SUMF1: variants seen among roughly 807,000 people sequenced by gnomAD.
SUMF1 encodes the protein formylglycine-generating enzyme.
Under a neutral mutation model 47.6 loss-of-function variants are expected in SUMF1, and 48 were observed. The observed-to-expected ratio is 1.01, with a 90% CI of 0.80 to 1.28. The LOEUF (loss-of-function observed/expected upper bound fraction) is 1.28, where lower values mean the gene tolerates loss of function less well. Among genes scored for constraint, SUMF1 ranks in the 50% most tolerant of loss-of-function variants. The pLI, the probability that SUMF1 is intolerant of heterozygous loss-of-function variation, is 0.00. For missense variants in SUMF1, 571 were observed against 485.4 expected, an observed-to-expected ratio of 1.18 and a Z score of -1.66; for synonymous variants, 230 against 192.1, an observed-to-expected ratio of 1.20 and a Z score of -1.63.
chr3:4,433,452 C>T (rs546477116), intron 3 of SUMF1, among the ~76,000 whole-genome samples: 49 of 152,320 alleles, frequency 3.2e-4, no homozygotes, highest in African/African-American at 1.1e-3. Context: ...ATGCCACACA[C>T]TGGCTCCTAA....
At position 4,344,193 on chromosome 3, in the gene SUMF1, A is replaced by G. The variant is rs117769280; in HGVS notation, c.1014+32137T>C. On this transcript the variant is annotated intron_variant and NMD_transcript_variant, in intron 8 of 12. Transcript: ENST00000448413. ...AGGTTCTCTCATCAAAATTGACTAG[A>G]AGGCTGTCGTGACCCACGGAGAGAA... is the stretch of plus-strand genomic sequence containing the variant. Among the ~76,000 whole-genome samples the G allele has an allele frequency of 4.5e-3, 688 of 152,306 alleles. 15 individuals are homozygous for G. The highest frequency in any genetic ancestry group is 0.031 in the East Asian group (158 of 5,174).
intron 8 of SUMF1, among the ~76,000 whole-genome samples, chr3:4,164,601 C>A (rs1230403417): frequency 6.6e-6 from 1 of 152,172 alleles, no homozygotes. Flanking sequence ...GCTCCATTTT[C>A]TGTCCTCTCT....
chr3:4,059,955 A>C (rs1194401792), intron 9 of SUMF1, among the ~76,000 whole-genome samples: 3 of 152,190 alleles, frequency 2.0e-5, no homozygotes, highest in African/African-American at 7.2e-5. Context: ...CACACAATAC[A>C]GTTAAGGAAC....
chr3:4,212,203 C>A (rs1695814890), intron 8 of SUMF1, among the ~76,000 whole-genome samples: 2 of 152,116 alleles, frequency 1.3e-5, no homozygotes, highest in Admixed American at 1.3e-4. Context: ...CTGGCAGATG[C>A]CCCTCTGGGA....
chr3:4,092,262 A>C (rs754935782), intron 8 of SUMF1, among the ~76,000 whole-genome samples: 26 of 152,106 alleles, frequency 1.7e-4, no homozygotes, highest in Non-Finnish European at 2.5e-4. Flanking sequence ...CCCCTGTCCA[A>C]AGGAGAGATA....
At chr3:4,183,200 T>A (rs535416601) in intron 8 of SUMF1, among the ~76,000 whole-genome samples, 1 of 152,270 alleles carries the variant, frequency 6.6e-6, no homozygotes, top group East Asian at 1.9e-4. Flanking sequence ...TTACTACAAT[T>A]CCATTGTATA....
rs1697358246 is a variant in SUMF1, at chr3:4,273,812, G to GATACGGGAGGGGA, written c.1014+102517_1014+102518insTCCCCTCCCGTAT. Among the ~76,000 whole-genome samples, 7 of 123,248 alleles carry GATACGGGAGGGGA rather than the reference G, an allele frequency of 5.7e-5. 1 individual carries two copies. The highest frequency in any genetic ancestry group is 2.1e-4 in the African/African-American group (7 of 32,708). The allele number at this position is 123,248 out of a possible 152,430, so 80.9% of individuals were successfully genotyped here. The stretch of plus-strand genomic sequence containing the variant: ...GGGAGGGGAGGGCATGGGAGGGGAG[G>GATACGGGAGGGGA]GCATGGGAGGGGAGGGCATGGCAAG... On this transcript the variant is annotated intron_variant and NMD_transcript_variant, in intron 8 of 12. Coordinates refer to the SUMF1 transcript ENST00000448413.
intron 8 of SUMF1, among the ~76,000 whole-genome samples, chr3:4,185,870 C>T (rs893539111): frequency 1.3e-5 from 2 of 152,104 alleles, no homozygotes; most frequent in African/African-American, 4.8e-5. Context: ...AGGAATGTTC[C>T]TCCATGGAAA....
At chr3:4,176,189 A>G (rs929529334) in intron 8 of SUMF1, among the ~76,000 whole-genome samples, 2 of 152,118 alleles carry the variant, frequency 1.3e-5, no homozygotes, top group South Asian at 4.1e-4. Flanking sequence ...TACAGAGAAC[A>G]CCACAAAGAT....
rs945717865 is a variant in SUMF1, at chr3:4,215,383, T to C, written c.1015-146638A>G. ...AAAAACTAAATTAACTAGGTATTGG[T>C]GGGATGCATCGCAAAATAATAAGAG... On this transcript the variant is annotated intron_variant and NMD_transcript_variant, in intron 8 of 12. Coordinates refer to the SUMF1 transcript ENST00000448413. 1.3e-5 allele frequency among the ~76,000 whole-genome samples: 2 copies of C among 152,132 alleles called. 1 individual carries two copies. Among genetic ancestry groups the C allele is most frequent in the Admixed American group, 1.3e-4 (2 of 15,268 alleles).
At chr3:4,103,172 C>T (rs2125063227) in intron 8 of SUMF1, among the ~76,000 whole-genome samples, 1 of 151,700 alleles carries the variant, frequency 6.6e-6, no homozygotes, top group Non-Finnish European at 1.5e-5. Flanking sequence ...ATCCACCTGC[C>T]TCGGCCTCCC....
intron 3 of SUMF1, among the ~76,000 whole-genome samples, chr3:4,439,435 A>G (rs1232500894): frequency 6.6e-6 from 1 of 152,028 alleles, no homozygotes; most frequent in Non-Finnish European, 1.5e-5. Flanking sequence ...CAGAGGTGGG[A>G]GGATGGCTTG....
chr3:4,254,701 T>C (rs2125015140), intron 8 of SUMF1, among the ~76,000 whole-genome samples: 1 of 149,818 alleles, frequency 6.7e-6, no homozygotes, highest in South Asian at 2.2e-4. Flanking sequence ...CAGGAAATTA[T>C]CCAGGAGAAC....
intron 8 of SUMF1, among the ~76,000 whole-genome samples, chr3:4,130,222 C>A (rs1693754626): frequency 6.6e-6 from 1 of 152,166 alleles, no homozygotes; most frequent in Non-Finnish European, 1.5e-5. Context: ...ACTCTGATTG[C>A]AGCTGCTGTA....
intron 7 of SUMF1, among the ~76,000 whole-genome samples, chr3:4,382,307 T>C (rs750550012): frequency 9.4e-5 from 14 of 148,942 alleles, no homozygotes; most frequent in Non-Finnish European, 1.6e-4. Flanking sequence ...TATTTTTAAT[T>C]ACTCTTATAC....
intron 8 of SUMF1, among the ~76,000 whole-genome samples, chr3:4,175,814 C>T (rs556713541): frequency 6.6e-5 from 10 of 152,232 alleles, no homozygotes; most frequent in African/African-American, 2.4e-4. Flanking sequence ...AAATGGCTAA[C>T]TAGAATAAAC....
At chr3:4,149,663 C>T (rs2125103938) in intron 8 of SUMF1, among the ~76,000 whole-genome samples, 1 of 152,316 alleles carries the variant, frequency 6.6e-6, no homozygotes, top group South Asian at 2.1e-4. Context: ...ACCATCCCCA[C>T]TTGGCACAAT....
At chr3:4,199,969 T>C (rs1695507150) in intron 8 of SUMF1, among the ~76,000 whole-genome samples, 1 of 152,048 alleles carries the variant, frequency 6.6e-6, no homozygotes, top group Non-Finnish European at 1.5e-5. Flanking sequence ...AGAACACAAG[T>C]TTTCATTTAT....
chr3:4,063,677 G>T (rs1320083849), intron 9 of SUMF1, among the ~76,000 whole-genome samples: 1 of 151,982 alleles, frequency 6.6e-6, no homozygotes, highest in Non-Finnish European at 1.5e-5. Context: ...ACCAATAAAA[G>T]TCTCCTTTCT....
Sources: gnomAD v4.1 joint callset for allele counts (sites outside exome capture counted in the v4.1 genomes callset) on GRCh38, gnomAD v4.1.1 for gene constraint, MANE v1.5 for transcripts, NCBI Gene and HGNC (gene_info 2026-07-23, HGNC 2026-07-21) for gene names.